The following TLR4 variants were observed in gnomAD, a reference collection of about 807,000 sequenced individuals.
TLR4 encodes the protein toll-like receptor 4.
Under a neutral mutation model 27.4 loss-of-function variants are expected in TLR4, and 17 were observed. The observed-to-expected ratio is 0.62, with a 90% CI of 0.42 to 0.93. The LOEUF is 0.93. Ranked by LOEUF, TLR4 falls within the 40% of genes least tolerant of loss-of-function variation. The probability of loss-of-function intolerance (pLI) is 0.00; values close to 1 mark genes in which losing one functional copy is unlikely to be tolerated. For missense variants in TLR4, 926 were observed against 962.3 expected (o/e 0.96, Z 0.50); for synonymous variants, 363 against 365.7 (o/e 0.99, Z 0.08).
Position 117,722,082 on chromosome 9 carries a change from G to T in TLR4, c.*7434G>T, listed in dbSNP as rs987954084. 1.3e-5 allele frequency: 2 copies of T among 152,262 alleles called. No homozygotes were observed. The highest frequency in any genetic ancestry group is 3.4e-3 in the Middle Eastern group (1 of 296). 9.4% of individuals were successfully genotyped at this position (152,262 alleles called of 1,614,324 possible). A position where few individuals can be genotyped will look rare whatever the true frequency, so the allele number is the denominator to read the frequency against. On this transcript the variant is annotated 3_prime_UTR_variant, in exon 3 of 3. Transcript: ENST00000355622. ...TGAGACCCCACATAAATATATACCAGAAAAATGTTGTGGTCTTTTCTAAAC... is the reference window on the plus strand; with the variant it reads ...TGAGACCCCACATAAATATATACCATAAAAATGTTGTGGTCTTTTCTAAAC...
At position 117,712,912 on chromosome 9, in the gene TLR4, G is replaced by T; in HGVS notation, c.784G>T (p.Glu262Ter). 1 of 1,614,066 alleles carries T rather than the reference G, an allele frequency of 6.2e-7. No homozygotes were observed. The highest frequency in any genetic ancestry group is 8.5e-7 in the Non-Finnish European group (1 of 1,179,980). The stretch of plus-strand genomic sequence containing the variant: ...AGAAGTCCATCGTTTGGTTCTGGGA[G>T]AATTTAGAAATGAAGGAAACTTGGA... The part of the protein sequence containing the change: ...GLEVHRLVLG[E>*]FRNEGNLEKF... Residue 262 changes from glutamate (E) to a stop codon, truncating the protein, a stop_gained, in exon 3 of 3, where the codon GAA (glutamate) becomes TAA (stop). Coordinates refer to ENST00000355622, the MANE Select transcript of TLR4 (RefSeq NM_138554.5). LOFTEE classifies it low-confidence loss of function (END_TRUNC).
At chr9:117,710,201 A>G (rs1055707832) in intron 2 of TLR4, among the ~76,000 whole-genome samples, 2 of 151,812 alleles carry the variant, frequency 1.3e-5, no homozygotes, top group Non-Finnish European at 2.9e-5. Context: ...TAGTTTTTCA[A>G]CCCTTGCTGC....
rs1023828801 is a variant in TLR4, at chr9:117,724,709, A to G, written c.*10061A>G. 2 of 152,056 alleles carry G rather than the reference A, an allele frequency of 1.3e-5. No homozygotes were observed. Among genetic ancestry groups the G allele is most frequent in the African/African-American group, 4.8e-5 (2 of 41,392 alleles). 9.4% of individuals were successfully genotyped at this position (152,056 alleles called of 1,614,324 possible). On this transcript the variant is annotated 3_prime_UTR_variant, in exon 3 of 3. Transcript: ENST00000355622. ...TTGGCAGTTCAGTACACGGAAATAAAGTTCTCACTTTCTTTTTTCTCCTTG... is the reference window on the plus strand; with the variant it reads ...TTGGCAGTTCAGTACACGGAAATAAGGTTCTCACTTTCTTTTTTCTCCTTG...
rs1447319963 is a variant in TLR4, at chr9:117,723,939, A to G, written c.*9291A>G. ...CCCTTGTGCCTCTTACCATATGTGA[A>G]TGCTTGTCAGTTGAGAGTAAACTTT... On this transcript the variant is annotated 3_prime_UTR_variant, in exon 3 of 3. Transcript: ENST00000355622. 1.3e-5 allele frequency: 2 copies of G among 152,188 alleles called. No homozygotes were observed. Among genetic ancestry groups the G allele is most frequent in the African/African-American group, 4.8e-5 (2 of 41,458 alleles). 9.4% of individuals were successfully genotyped at this position (152,188 alleles called of 1,614,324 possible). A position where few individuals can be genotyped will look rare whatever the true frequency, so the allele number is the denominator to read the frequency against.
rs528339139 is a variant in TLR4, at chr9:117,714,717, G to C, written c.*69G>C. 6.7e-6 allele frequency: 9 copies of C among 1,344,912 alleles called. No homozygotes were observed. The African/African-American group carries it at 1.0e-4, about 15-fold the overall frequency. The allele number at this position is 1,344,912 out of a possible 1,614,324, so 83.3% of individuals were successfully genotyped here. A position where few individuals can be genotyped will look rare whatever the true frequency, so the allele number is the denominator to read the frequency against. Reference sequence around the variant, plus strand: ...GGTCCAACACTTGTTCAGTTAATAAGTATTAAATGCTGCCACATGTCAGGC... The same window carrying C: ...GGTCCAACACTTGTTCAGTTAATAACTATTAAATGCTGCCACATGTCAGGC... On this transcript the variant is annotated 3_prime_UTR_variant, in exon 3 of 3. Coordinates refer to ENST00000355622, the MANE Select transcript of TLR4 (RefSeq NM_138554.5).
Position 117,704,408 on chromosome 9 carries a change from G to A in TLR4, c.-65G>A. 6.7e-7 allele frequency: 1 copy of A among 1,484,928 alleles called. No individual in the cohort carries two copies. 92.0% of individuals were successfully genotyped at this position (1,484,928 alleles called of 1,614,324 possible). ...GCCTCAGAAACTGCTCGGTCAGACG[G>A]TGATAGCGAGCCACGCATTCACAGG... On this transcript the variant is annotated 5_prime_UTR_variant, in exon 1 of 3. It adds an upstream start codon to the 5' untranslated region. Coordinates refer to ENST00000355622, the MANE Select transcript of TLR4 (RefSeq NM_138554.5).
At position 117,712,733 on chromosome 9, in the gene TLR4, C is replaced by T. The variant is rs1564265446; in HGVS notation, c.605C>T (p.Pro202Leu). The part of the protein sequence containing the change: ...CTDLRVLHQM[P>L]LLNLSLDLSL... ...GACTTGCGGGTTCTACATCAAATGC[C>T]CCTACTCAATCTCTCTTTAGACCTG... The change falls in exon 3 of 3, where the codon CCC becomes CTC. Residue 202 changes from proline (P) to leucine (L), a missense_variant. Pro to Leu is a moderately conservative substitution (Grantham distance 98). Coordinates refer to ENST00000355622, the MANE Select transcript of TLR4 (RefSeq NM_138554.5). 4 of 1,613,900 alleles carry T rather than the reference C, an allele frequency of 2.5e-6. No individual in the cohort carries two copies. The highest frequency in any genetic ancestry group is 3.4e-6 in the Non-Finnish European group (4 of 1,180,008).
Position 117,717,515 on chromosome 9 carries a change from A to G in TLR4, c.*2867A>G, listed in dbSNP as rs1359930825. The G allele has an allele frequency of 6.6e-6, 1 of 152,038 alleles. No individual in the cohort carries two copies. The highest frequency in any genetic ancestry group is 1.5e-5 in the Non-Finnish European group (1 of 68,008). The allele number at this position is 152,038 out of a possible 1,614,324, so 9.4% of individuals were successfully genotyped here. Reference sequence around the variant, plus strand: ...ATATCTTACTGTACTGTACTCACCTATTTTCAGACCATAACTGACCATGAA... The same window carrying G: ...ATATCTTACTGTACTGTACTCACCTGTTTTCAGACCATAACTGACCATGAA... On this transcript the variant is annotated 3_prime_UTR_variant, in exon 3 of 3. Transcript: ENST00000355622.
In TLR4 at chr9:117,722,003, C is replaced by A. The variant is rs1829428196; in HGVS notation, c.*7355C>A. 6.6e-6 allele frequency: 1 copy of A among 152,126 alleles called. No homozygotes were observed. The highest frequency in any genetic ancestry group is 6.6e-5 in the Admixed American group (1 of 15,258). 9.4% of individuals were successfully genotyped at this position (152,126 alleles called of 1,614,324 possible). ...GTGTCCATGCAATCATTTTAGTTCT[C>A]CTAGTTTCTACCTATCACGTTGTCA... On this transcript the variant is annotated 3_prime_UTR_variant, in exon 3 of 3. Coordinates refer to ENST00000355622, the MANE Select transcript of TLR4 (RefSeq NM_138554.5).
rs199503502 is a variant in TLR4, at chr9:117,713,842, G to C, written c.1714G>C (p.Ala572Pro). ...QELQHFPSSL[A>P]FLNLTQNDFA... ...ACTACAGCATTTTCCAAGTAGTCTA[G>C]CTTTCTTAAATCTTACTCAGAATGA... Residue 572 changes from alanine to proline, a missense_variant, in exon 3 of 3, where the codon GCT (alanine) becomes CCT (proline). Physicochemically the swap from Ala to Pro is conservative, Grantham distance 27 (BLOSUM62 -1). Coordinates refer to ENST00000355622, the MANE Select transcript of TLR4 (RefSeq NM_138554.5). 3.7e-6 allele frequency: 6 copies of C among 1,613,858 alleles called. No homozygotes were observed. Among genetic ancestry groups the C allele is most frequent in the Admixed American group, 3.3e-5 (2 of 59,970 alleles).
chr9:117,714,969 C>T lies in TLR4; in HGVS notation c.*321C>T. On this transcript the variant is annotated 3_prime_UTR_variant, in exon 3 of 3. Transcript: ENST00000355622. The stretch of plus-strand genomic sequence containing the variant: ...AAACAGAAAGAGACATTGTTCTTTT[C>T]CTGAGTCTTTTGAATGGAAATTGTA... The T allele has an allele frequency of 2.7e-6, 1 of 376,096 alleles. No homozygotes were observed. The highest frequency in any genetic ancestry group is 5.5e-5 in the East Asian group (1 of 18,272). 23.3% of individuals were successfully genotyped at this position (376,096 alleles called of 1,614,324 possible).
intron 2 of TLR4, among the ~76,000 whole-genome samples, chr9:117,712,123 T>C (rs1829241322): frequency 6.6e-6 from 1 of 152,134 alleles, no homozygotes; most frequent in South Asian, 2.1e-4. Flanking sequence ...CTGATTTCCT[T>C]CTTATGGATT....
Position 117,714,517 on chromosome 9 carries a change from T to C in TLR4, c.2389T>C (p.Trp797Arg), listed in dbSNP as rs752929158. The change falls in exon 3 of 3, where the codon TGG becomes CGG. Residue 797 changes from tryptophan (W) to arginine (R), a missense_variant. Trp to Arg is a moderately radical substitution (Grantham distance 101, BLOSUM62 -3). Coordinates refer to ENST00000355622, the MANE Select transcript of TLR4 (RefSeq NM_138554.5). ...RLLSRNTYLEWEDSVLGRHIF... is the reference protein window; with the variant it reads ...RLLSRNTYLEREDSVLGRHIF... ...TCTCAGCAGGAACACTTACCTGGAG[T>C]GGGAGGACAGTGTCCTGGGGCGGCA... 2.5e-6 allele frequency: 4 copies of C among 1,613,540 alleles called. No individual in the cohort carries two copies. The highest frequency in any genetic ancestry group is 3.4e-6 in the Non-Finnish European group (4 of 1,179,924).
rs200794991 is a variant in TLR4 at position 117,717,192 on chromosome 9, A to T, written c.*2544A>T. 4 of 152,234 alleles carry T rather than the reference A, an allele frequency of 2.6e-5. No homozygotes were observed. Among genetic ancestry groups the T allele is most frequent in the Admixed American group, 2.6e-4 (4 of 15,284 alleles). 9.4% of individuals were successfully genotyped at this position (152,234 alleles called of 1,614,324 possible). A position where few individuals can be genotyped will look rare whatever the true frequency, so the allele number is the denominator to read the frequency against. On this transcript the variant is annotated 3_prime_UTR_variant, in exon 3 of 3. Coordinates refer to ENST00000355622, the MANE Select transcript of TLR4 (RefSeq NM_138554.5). ...TGAAGAATACATCCATTTGAAATGG[A>T]TGTCTATGGCTGTTTGAGATGAGTT...
rs1829445985 is a variant in TLR4 at position 117,723,579 on chromosome 9, A to G, written c.*8931A>G. The G allele has an allele frequency of 6.6e-6, 1 of 152,188 alleles. No homozygotes were observed. The highest frequency in any genetic ancestry group is 2.1e-4 in the South Asian group (1 of 4,822). 9.4% of individuals were successfully genotyped at this position (152,188 alleles called of 1,614,324 possible). ...ATTTAGGGAAGTGCTACATAAATGC[A>G]AGGAGTTATTATGATAACAGATTGA... On this transcript the variant is annotated 3_prime_UTR_variant, in exon 3 of 3. Transcript: ENST00000355622.
At position 117,723,825 on chromosome 9, in the gene TLR4, G is replaced by A. The variant is rs1233021942; in HGVS notation, c.*9177G>A. On this transcript the variant is annotated 3_prime_UTR_variant, in exon 3 of 3. Transcript: ENST00000355622. ...CAAGCACTTTTGTGGACTAATCCTT[G>A]CAATTATTCTTTCTTCTTTCCCATA... 6.6e-6 allele frequency: 1 copy of A among 152,124 alleles called. No homozygotes were observed. Among genetic ancestry groups the A allele is most frequent in the Non-Finnish European group, 1.5e-5 (1 of 68,024 alleles). 9.4% of individuals were successfully genotyped at this position (152,124 alleles called of 1,614,324 possible).
chr9:117,708,782 C>T (rs1829181614), intron 2 of TLR4, 53 bp downstream of exon 2: 2 of 1,600,848 alleles, frequency 1.2e-6, no homozygotes, highest in Non-Finnish European at 1.7e-6. Flanking sequence ...ATTGTCCTGT[C>T]ATTTCATTAT....
rs1342380319 is a variant in TLR4, at chr9:117,721,577, A to G, written c.*6929A>G. The G allele has an allele frequency of 1.3e-5, 2 of 152,230 alleles. No homozygotes were observed. The highest frequency in any genetic ancestry group is 2.9e-5 in the Non-Finnish European group (2 of 68,038). The allele number at this position is 152,230 out of a possible 1,614,324, so 9.4% of individuals were successfully genotyped here. A position where few individuals can be genotyped will look rare whatever the true frequency, so the allele number is the denominator to read the frequency against. ...TCACTTTTAAACAAATGCTTGGCTT[A>G]AGAATCACTTAATGACTTTCATTCT... On this transcript the variant is annotated 3_prime_UTR_variant, in exon 3 of 3. Coordinates refer to ENST00000355622, the MANE Select transcript of TLR4 (RefSeq NM_138554.5).
In TLR4 at chr9:117,708,632, T is replaced by G; in HGVS notation, c.163T>G (p.Ser55Ala). The G allele has an allele frequency of 6.2e-7, 1 of 1,613,994 alleles. No individual in the cohort carries two copies. ...CAAAATCCCCGACAACCTCCCCTTC[T>G]CAACCAAGAACCTGGACCTGAGCTT... is the stretch of plus-strand genomic sequence containing the variant. ...FYKIPDNLPFSTKNLDLSFNP... is the reference protein window; with the variant it reads ...FYKIPDNLPFATKNLDLSFNP... Residue 55 changes from serine to alanine, a missense_variant, in exon 2 of 3, where the codon TCA becomes GCA. Ser to Ala is a moderately conservative substitution (Grantham distance 99, BLOSUM62 1). Transcript: ENST00000355622.
Sources: gnomAD v4.1 joint callset for allele counts (sites outside exome capture counted in the v4.1 genomes callset) on GRCh38, gnomAD v4.1.1 for gene constraint, MANE v1.5 for transcripts, NCBI Gene and HGNC (gene_info 2026-07-23, HGNC 2026-07-21) for gene names.